Variants in TRIM9 observed in about 807,000 individuals in gnomAD.
TRIM9 encodes tripartite motif containing 9, also known as E3 ubiquitin-protein ligase TRIM9.
A neutral mutation model predicts 78.3 loss-of-function variants in TRIM9; 26 were observed. The ratio of observed to expected loss-of-function variants is 0.33; its 90% CI spans 0.24 to 0.46. The LOEUF (loss-of-function observed/expected upper bound fraction) is 0.46. Among genes scored for constraint, TRIM9 ranks in the 20% least tolerant of loss-of-function variants. The probability of loss-of-function intolerance (pLI) is 1.00; values close to 1 mark genes in which losing one functional copy is unlikely to be tolerated. For synonymous variants in TRIM9, 398 were observed against 416.5 expected, an observed-to-expected ratio of 0.96 and a Z score of 0.54; for missense variants, 787 against 1,036.4, an observed-to-expected ratio of 0.76 and a Z score of 3.30.
chr14:51,025,632 C>T (rs891012533), intron 1 of TRIM9, among the ~76,000 whole-genome samples: 1 of 152,186 alleles, frequency 6.6e-6, no homozygotes, highest in Non-Finnish European at 1.5e-5. Context: ...TCTCCTCCTT[C>T]ATTGATTAAT....
At chr14:50,988,273 A>C (rs2052990161) in intron 7 of TRIM9, 1 of 152,230 alleles carries the variant, frequency 6.6e-6, no homozygotes, top group Admixed American at 6.5e-5. Context: ...TCTGAAAACC[A>C]GTGAAGAGAT....
rs17123383 is a variant in TRIM9, at chr14:50,999,330, A to G, written c.1465-1142T>C. 3.0e-3 allele frequency among the ~76,000 whole-genome samples: 455 copies of G among 152,202 alleles called. 5 individuals are homozygous for G. In the South Asian group the frequency reaches 0.034, roughly 11 times the overall value. ...AGGCACTGAAAAGGCAAAGTCAGGA[A>G]TGAGAAACTGACAAATAGGATTTTA... On this transcript the variant is annotated intron_variant, in intron 6 of 12. Transcript: ENST00000684578.
At chr14:51,028,967 A>G (rs2058492251) in intron 1 of TRIM9, among the ~76,000 whole-genome samples, 1 of 151,996 alleles carries the variant, frequency 6.6e-6, no homozygotes, top group South Asian at 2.1e-4. Flanking sequence ...GAGATCAGGC[A>G]CTTACCCTGG....
intron 1 of TRIM9, among the ~76,000 whole-genome samples, chr14:51,026,789 CT>C (rs1222435456): frequency 1.3e-5 from 2 of 152,138 alleles, no homozygotes; most frequent in East Asian, 3.8e-4. Flanking sequence ...GCTCTATCCC[CT>C]ATAAGTGTGA....
chr14:51,091,814 A>T (rs11620641), intron 1 of TRIM9, among the ~76,000 whole-genome samples: 31,434 of 152,110 alleles, frequency 0.21, 3,654 homozygotes, highest in South Asian at 0.43. Flanking sequence ...GGGTTTTAAC[A>T]TTCTTTTGTG....
intron 3 of TRIM9, among the ~76,000 whole-genome samples, chr14:51,013,429 G>A (rs754676010): frequency 4.6e-5 from 7 of 151,988 alleles, no homozygotes; most frequent in East Asian, 1.9e-4. Flanking sequence ...GATTATTGTC[G>A]CTTTATAATA....
chr14:50,983,326 A>T, intron 9 of TRIM9, 54 bp downstream of exon 9: 1 of 1,404,196 alleles, frequency 7.1e-7, no homozygotes, highest in South Asian at 1.3e-5. Context: ...TTTGTGAAGG[A>T]AATTGAGCAC....
intron 5 of TRIM9, among the ~76,000 whole-genome samples, chr14:51,008,329 T>A (rs1294805766): frequency 1.3e-5 from 2 of 152,230 alleles, no homozygotes; most frequent in Admixed American, 1.3e-4. Flanking sequence ...GATGTAACCA[T>A]CAAAGCAAGC....
chr14:51,079,729 A>T lies in TRIM9; in HGVS notation c.822+14389T>A, dbSNP rs184105528. 1.6e-4 allele frequency among the ~76,000 whole-genome samples: 24 copies of T among 152,308 alleles called. No homozygotes were observed. In the East Asian group the frequency reaches 4.4e-3, roughly 28 times the overall value. Reference sequence around the variant, plus strand: ...CAAGTCAATGTCAGGCTGGAGGTAAAGGGTACACACACCAGGTGGACTAGG... The same window carrying T: ...CAAGTCAATGTCAGGCTGGAGGTAATGGGTACACACACCAGGTGGACTAGG... On this transcript the variant is annotated intron_variant, in intron 1 of 12. Transcript: ENST00000684578.
At chr14:50,980,196 A>C (rs1264994892) in intron 11 of TRIM9, among the ~76,000 whole-genome samples, 1 of 152,216 alleles carries the variant, frequency 6.6e-6, no homozygotes, top group East Asian at 1.9e-4. Context: ...GTGAAATGAC[A>C]GCACTGAAGA....
At chr14:51,046,269 T>G (rs367673003) in intron 1 of TRIM9, among the ~76,000 whole-genome samples, 173 of 152,304 alleles carry the variant, frequency 1.1e-3, no homozygotes, top group African/African-American at 4.0e-3. Context: ...TTATCTTGAC[T>G]GTGTGGTGAC....
chr14:51,022,752 A>G, intron 3 of TRIM9, 83 bp downstream of exon 3: 1 of 1,572,960 alleles, frequency 6.4e-7, no homozygotes, highest in Non-Finnish European at 8.6e-7. Flanking sequence ...TGTCCATGGG[A>G]AGGAATTCTC....
intron 1 of TRIM9, among the ~76,000 whole-genome samples, chr14:51,030,961 A>C (rs979636997): frequency 3.3e-5 from 5 of 152,178 alleles, no homozygotes; most frequent in Middle Eastern, 3.4e-3. Flanking sequence ...AGCTTGGCCA[A>C]CATGGTGAAA....
chr14:51,008,008 G>A (rs2056060723), intron 5 of TRIM9, among the ~76,000 whole-genome samples: 1 of 152,120 alleles, frequency 6.6e-6, no homozygotes, highest in South Asian at 2.1e-4. Flanking sequence ...TTAAAGCACT[G>A]AATGCTAAGA....
At chr14:51,077,986 G>A (rs1000911951) in intron 1 of TRIM9, among the ~76,000 whole-genome samples, 10 of 152,136 alleles carry the variant, frequency 6.6e-5, no homozygotes, top group African/African-American at 2.2e-4. Context: ...CTGTGTGAAC[G>A]ACCCAATTGA....
chr14:51,031,020 C>T (rs752083801), intron 1 of TRIM9, among the ~76,000 whole-genome samples: 14 of 151,538 alleles, frequency 9.2e-5, no homozygotes, highest in African/African-American at 1.7e-4. Flanking sequence ...TGGTGGCGGG[C>T]GCCTGTAACT....
At chr14:51,041,641 T>C (rs2059584801) in intron 1 of TRIM9, among the ~76,000 whole-genome samples, 1 of 152,240 alleles carries the variant, frequency 6.6e-6, no homozygotes, top group Non-Finnish European at 1.5e-5. Context: ...TGAATTTAAT[T>C]TCTCATTATC....
At chr14:50,991,394 C>T (rs1246569377) in intron 7 of TRIM9, among the ~76,000 whole-genome samples, 2 of 152,152 alleles carry the variant, frequency 1.3e-5, no homozygotes, top group Non-Finnish European at 2.9e-5. Flanking sequence ...ATCATTATGC[C>T]TCTCACCTTG....
At chr14:51,014,299 T>C (rs1219037964) in intron 3 of TRIM9, among the ~76,000 whole-genome samples, 1 of 152,196 alleles carries the variant, frequency 6.6e-6, no homozygotes, top group African/African-American at 2.4e-5. Flanking sequence ...AGCTTAATTG[T>C]TGCACTGCCA....
Sources: gnomAD v4.1 joint callset for allele counts (sites outside exome capture counted in the v4.1 genomes callset) on GRCh38, gnomAD v4.1.1 for gene constraint, MANE v1.5 for transcripts, NCBI Gene and HGNC (gene_info 2026-07-23, HGNC 2026-07-21) for gene names.